PPP1R1C: variants seen among roughly 807,000 people sequenced by gnomAD.
PPP1R1C encodes protein phosphatase 1 regulatory subunit 1C.
PPP1R1C carries 15 observed loss-of-function variants against 17.4 expected under a neutral mutation model. The ratio of observed to expected loss-of-function variants is 0.86; its 90% confidence interval spans 0.58 to 1.33. The LOEUF (loss-of-function observed/expected upper bound fraction) is 1.33, where lower values mean the gene tolerates loss of function less well. Ranked by LOEUF, PPP1R1C falls within the 40% of genes most tolerant of loss-of-function variation. The pLI is 0.00. For synonymous variants in PPP1R1C, 35 were observed against 43.1 expected (o/e 0.81, Z 0.73); for missense variants, 143 against 130.0 (o/e 1.10, Z -0.48).
intron 4 of PPP1R1C, chr2:182,103,790 T>G (rs115662947): frequency 0.016 from 2,413 of 152,230 alleles, 35 homozygotes; most frequent in South Asian, 0.058. Flanking sequence ...AGCTGAGTAA[T>G]GAGAAACAAA....
intron 4 of PPP1R1C, among the ~76,000 whole-genome samples, chr2:182,080,312 G>A (rs1381570906): frequency 6.6e-6 from 1 of 152,156 alleles, no homozygotes; most frequent in East Asian, 1.9e-4. Context: ...ACGAAAACCA[G>A]GGGATCCTCC....
In PPP1R1C at chr2:182,068,500, T is replaced by C. The variant is rs138115506; in HGVS notation, c.241+4709T>C. On this transcript the variant is annotated intron_variant, in intron 4 of 4. Transcript: ENST00000682840. ...TTAAGATGCCTAGATGTAAAATCCA[T>C]GTGGATTACCACGCTTGCAACATTC... is the stretch of plus-strand genomic sequence containing the variant. Among the ~76,000 whole-genome samples the C allele has an allele frequency of 3.8e-3, 582 of 152,292 alleles. 2 individuals are homozygous for C. The highest frequency in any genetic ancestry group is 7.0e-3 in the Non-Finnish European group (477 of 68,014).
intron 2 of PPP1R1C, among the ~76,000 whole-genome samples, chr2:181,979,755 T>A (rs1030561560): frequency 3.9e-5 from 6 of 152,260 alleles, no homozygotes; most frequent in African/African-American, 1.4e-4. Flanking sequence ...CGATGGAGCC[T>A]GTCTCTATGT....
intron 2 of PPP1R1C, among the ~76,000 whole-genome samples, chr2:182,041,600 ACT>A (rs1464349057): frequency 3.0e-5 from 4 of 133,730 alleles, no homozygotes; most frequent in African/African-American, 6.3e-5. Flanking sequence ...CAACAGAGAG[ACT>A]CTGTCTCAAA....
chr2:182,007,998 G>A (rs1452704446), intron 2 of PPP1R1C, among the ~76,000 whole-genome samples: 2 of 152,110 alleles, frequency 1.3e-5, no homozygotes, highest in Admixed American at 1.3e-4. Context: ...AACCTAGGAG[G>A]TGGAGCTTGC....
At chr2:182,063,653 T>C in intron 3 of PPP1R1C, 78 bp from the exon 4 acceptor site, 4 of 1,081,726 alleles carry the variant, frequency 3.7e-6, no homozygotes, top group Non-Finnish European at 5.8e-6. Context: ...GGCACAGTAT[T>C]TATTTCCCTC....
rs980068369 is a variant in PPP1R1C, at chr2:182,046,245, A to T, written c.143-15197A>T. On this transcript the variant is annotated intron_variant, in intron 2 of 4. Transcript: ENST00000682840. Reference sequence around the variant, plus strand: ...ATTAACTATAGACCTCCTGTTGTACATTAGTTCTCTAGATTTACTTAACCT... The same window carrying T: ...ATTAACTATAGACCTCCTGTTGTACTTTAGTTCTCTAGATTTACTTAACCT... Among the ~76,000 whole-genome samples, 4 of 151,992 alleles carry T rather than the reference A, an allele frequency of 2.6e-5. No homozygotes were observed. The South Asian group carries it at 8.3e-4, about 31-fold the overall frequency.
At chr2:182,070,062 A>G (rs1225673168) in intron 4 of PPP1R1C, among the ~76,000 whole-genome samples, 3 of 152,212 alleles carry the variant, frequency 2.0e-5, no homozygotes, top group African/African-American at 7.2e-5. Flanking sequence ...AGAGCATAGC[A>G]TGGTAAGTCC....
intron 1 of PPP1R1C, among the ~76,000 whole-genome samples, chr2:181,955,205 T>C (rs1000055424): frequency 4.6e-5 from 7 of 152,230 alleles, no homozygotes; most frequent in Non-Finnish European, 8.8e-5. Flanking sequence ...CCTTTCAATG[T>C]GATGGAAACT....
At chr2:182,084,741 T>C (rs1688578712) in intron 4 of PPP1R1C, among the ~76,000 whole-genome samples, 1 of 152,046 alleles carries the variant, frequency 6.6e-6, no homozygotes, top group Admixed American at 6.6e-5. Context: ...ACTTTGGCTA[T>C]TCATTTTTGT....
chr2:181,960,826 G>C (rs552221470), intron 1 of PPP1R1C, among the ~76,000 whole-genome samples: 3 of 152,194 alleles, frequency 2.0e-5, no homozygotes, highest in Admixed American at 6.5e-5. Context: ...AAAGTACAAC[G>C]TAATCAAATC....
chr2:182,110,574 C>A (rs1689387802), intron 4 of PPP1R1C, among the ~76,000 whole-genome samples: 1 of 152,076 alleles, frequency 6.6e-6, no homozygotes, highest in Non-Finnish European at 1.5e-5. Flanking sequence ...AAGTACCCTG[C>A]CCAGAGGACA....
chr2:181,959,460 A>C (rs1417869513), intron 1 of PPP1R1C, among the ~76,000 whole-genome samples: 1 of 152,236 alleles, frequency 6.6e-6, no homozygotes, highest in East Asian at 1.9e-4. Flanking sequence ...TATACAGAGC[A>C]AAGTTTCATG....
chr2:182,060,984 AG>A (rs1261321379), intron 2 of PPP1R1C, among the ~76,000 whole-genome samples: 2 of 152,162 alleles, frequency 1.3e-5, no homozygotes, highest in East Asian at 3.8e-4. Flanking sequence ...ATACATATAT[AG>A]AGAGGATACT....
intron 4 of PPP1R1C, chr2:182,064,206 A>C (rs1489952368): frequency 5.3e-6 from 1 of 188,562 alleles, no homozygotes; most frequent in Non-Finnish European, 1.1e-5. Context: ...GTGTTGCCTC[A>C]TTGTATTGTG....
intron 1 of PPP1R1C, among the ~76,000 whole-genome samples, chr2:181,955,468 A>C (rs1220815229): frequency 6.6e-6 from 1 of 152,222 alleles, no homozygotes; most frequent in Admixed American, 6.5e-5. Context: ...TCAATCAAGG[A>C]AATAGTGTTA....
upstream of PPP1R1C, among the ~76,000 whole-genome samples, chr2:181,981,422 A>T (rs554825502): frequency 1.3e-5 from 2 of 152,204 alleles, no homozygotes; most frequent in Non-Finnish European, 2.9e-5. Flanking sequence ...ATCTGAAAAA[A>T]TATCATATTT....
chr2:182,022,453 C>A (rs1055073121), intron 2 of PPP1R1C, among the ~76,000 whole-genome samples: 1 of 152,180 alleles, frequency 6.6e-6, no homozygotes, highest in African/African-American at 2.4e-5. Context: ...ACCAGTAAAT[C>A]TCCATGCCAT....
intron 4 of PPP1R1C, among the ~76,000 whole-genome samples, chr2:182,081,289 G>A (rs555018160): frequency 6.6e-6 from 1 of 152,260 alleles, no homozygotes; most frequent in South Asian, 2.1e-4. Flanking sequence ...AAAGCACACA[G>A]TAAGCATTCA....
Sources: gnomAD v4.1 joint callset for allele counts (sites outside exome capture counted in the v4.1 genomes callset) on GRCh38, gnomAD v4.1.1 for gene constraint, MANE v1.5 for transcripts, NCBI Gene and HGNC (gene_info 2026-07-23, HGNC 2026-07-21) for gene names.